Variants in ME3 observed in about 807,000 individuals in gnomAD.
The protein encoded by ME3 is NADP-dependent malic enzyme, mitochondrial.
A neutral mutation model predicts 68.9 loss-of-function variants in ME3; 48 were observed. The observed-to-expected ratio is 0.70, with a 90% CI of 0.55 to 0.89. The LOEUF (loss-of-function observed/expected upper bound fraction) is 0.89. Among genes scored for constraint, ME3 ranks in the 40% least tolerant of loss-of-function variants. The pLI, the probability that ME3 is intolerant of heterozygous loss-of-function variation, is 0.00. For missense variants in ME3, 675 were observed against 797.4 expected (o/e 0.85, Z 1.85); for synonymous variants, 320 against 318.8 (o/e 1.00, Z -0.04).
At chr11:86,635,879 T>C (rs1944302501) in intron 2 of ME3, among the ~76,000 whole-genome samples, 2 of 152,196 alleles carry the variant, frequency 1.3e-5, no homozygotes, top group Non-Finnish European at 2.9e-5. Flanking sequence ...CTTAGGGAAG[T>C]TGAGAGATAA....
At chr11:86,538,373 C>T (rs1351837451) in intron 4 of ME3, among the ~76,000 whole-genome samples, 1 of 152,128 alleles carries the variant, frequency 6.6e-6, no homozygotes, top group Non-Finnish European at 1.5e-5. Flanking sequence ...CCTCCTAGGA[C>T]TGTTGTATGA....
chr11:86,637,869 T>A (rs1390513735), intron 2 of ME3, among the ~76,000 whole-genome samples: 1 of 151,810 alleles, frequency 6.6e-6, no homozygotes, highest in Non-Finnish European at 1.5e-5. Flanking sequence ...AGAAAAATAG[T>A]CACTGATGAT....
intron 4 of ME3, among the ~76,000 whole-genome samples, chr11:86,535,216 C>T (rs1351764260): frequency 1.3e-5 from 2 of 152,172 alleles, no homozygotes; most frequent in Non-Finnish European, 2.9e-5. Context: ...CTTCTTACCT[C>T]CACTCCCACC....
chr11:86,507,498 C>CA (rs34877706), intron 5 of ME3, among the ~76,000 whole-genome samples: 101,990 of 151,832 alleles, frequency 0.67, 34,568 homozygotes, highest in Admixed American at 0.72. Context: ...GCTCAGGTGC[C>CA]AAAAATGCCC....
chr11:86,515,822 G>A (rs989858367), intron 4 of ME3, among the ~76,000 whole-genome samples: 8 of 152,162 alleles, frequency 5.3e-5, no homozygotes, highest in African/African-American at 1.2e-4. Context: ...GACAGCTAAT[G>A]TGACATGTTT....
intron 7 of ME3, among the ~76,000 whole-genome samples, chr11:86,474,675 A>G (rs1950964166): frequency 6.6e-6 from 1 of 152,180 alleles, no homozygotes; most frequent in South Asian, 2.1e-4. Context: ...TTTTTGATTA[A>G]TGAGGCCCTT....
At chr11:86,497,008 G>A (rs1432470950) in intron 6 of ME3, among the ~76,000 whole-genome samples, 1 of 152,040 alleles carries the variant, frequency 6.6e-6, no homozygotes, top group Non-Finnish European at 1.5e-5. Context: ...TTGAGACAGA[G>A]TCTTGCTGTG....
intron 7 of ME3, among the ~76,000 whole-genome samples, chr11:86,466,285 T>C (rs572515859): frequency 3.9e-5 from 6 of 152,202 alleles, no homozygotes; most frequent in Admixed American, 6.5e-5. Context: ...GCAAGTGTAG[T>C]ATGGATTATT....
At chr11:86,507,649 G>A (rs1453204508) in intron 5 of ME3, among the ~76,000 whole-genome samples, 1 of 152,192 alleles carries the variant, frequency 6.6e-6, no homozygotes, top group Non-Finnish European at 1.5e-5. Flanking sequence ...GATTTAGCCA[G>A]AGGCTAATAC....
At chr11:86,479,318 C>T (rs1322438584) in intron 7 of ME3, among the ~76,000 whole-genome samples, 2 of 152,166 alleles carry the variant, frequency 1.3e-5, no homozygotes, top group African/African-American at 2.4e-5. Context: ...CTTGCAGACA[C>T]CATATCATGG....
intron 2 of ME3, among the ~76,000 whole-genome samples, chr11:86,567,479 C>T (rs1413796787): frequency 2.6e-5 from 4 of 152,210 alleles, no homozygotes; most frequent in Non-Finnish European, 4.4e-5. Flanking sequence ...TTCACTGCCT[C>T]GGTAAAGACT....
intron 2 of ME3, among the ~76,000 whole-genome samples, chr11:86,586,096 C>A (rs1958715035): frequency 6.6e-6 from 1 of 152,152 alleles, no homozygotes; most frequent in South Asian, 2.1e-4. Flanking sequence ...ATGCACAAAA[C>A]TTTTTCAAAA....
At position 86,595,428 on chromosome 11, in the gene ME3, G is replaced by A. The variant is rs1168186852; in HGVS notation, c.184-35605C>T. The stretch of plus-strand genomic sequence containing the variant: ...CTAGCATTATCTCCATTTGACAGAT[G>A]AAGAGACTGAAGCTTAGAGAGTTAA... On this transcript the variant is annotated intron_variant, in intron 2 of 14. Coordinates refer to ENST00000543262, the Ensembl canonical transcript of ME3. Among the ~76,000 whole-genome samples the A allele has an allele frequency of 2.5e-5, 3 of 119,660 alleles. 1 individual carries two copies. Among genetic ancestry groups the A allele is most frequent in the African/African-American group, 9.5e-5 (3 of 31,746 alleles). 78.5% of individuals were successfully genotyped at this position (119,660 alleles called of 152,430 possible). A position where few individuals can be genotyped will look rare whatever the true frequency, so the allele number is the denominator to read the frequency against.
intron 7 of ME3, among the ~76,000 whole-genome samples, chr11:86,479,139 G>A (rs1951246104): frequency 6.6e-6 from 1 of 152,172 alleles, no homozygotes; most frequent in Non-Finnish European, 1.5e-5. Flanking sequence ...GAACAAAAAG[G>A]CAGAGGAAGG....
At chr11:86,468,065 A>T (rs997824308) in intron 7 of ME3, among the ~76,000 whole-genome samples, 1 of 151,698 alleles carries the variant, frequency 6.6e-6, no homozygotes, top group African/African-American at 2.4e-5. Context: ...AACTACTCCT[A>T]CTCTAGGATT....
At chr11:86,571,756 G>C (rs1426283418) in intron 2 of ME3, among the ~76,000 whole-genome samples, 1 of 152,218 alleles carries the variant, frequency 6.6e-6, no homozygotes, top group East Asian at 1.9e-4. Context: ...TTGATGCAGA[G>C]TGATGGTTTG....
rs1026611008 is a variant in ME3 at position 86,450,192 on chromosome 11, G to A, written c.1017+109C>T. 18 of 1,124,322 alleles carry A rather than the reference G, an allele frequency of 1.6e-5. No individual in the cohort carries two copies. In the Middle Eastern group the frequency reaches 5.8e-4, roughly 36 times the overall value. The allele number at this position is 1,124,322 out of a possible 1,614,324, so 69.6% of individuals were successfully genotyped here. A position where few individuals can be genotyped will look rare whatever the true frequency, so the allele number is the denominator to read the frequency against. The stretch of plus-strand genomic sequence containing the variant: ...CAGCTGCAATGATCACAATATGTCT[G>A]TGCTGCTTCCTCTTTTCAGAACCCC... On this transcript the variant is annotated intron_variant, in intron 9 of 14. Transcript: ENST00000543262.
At chr11:86,445,036 A>T (rs909416232) in intron 13 of ME3, among the ~76,000 whole-genome samples, 1 of 152,134 alleles carries the variant, frequency 6.6e-6, no homozygotes, top group Non-Finnish European at 1.5e-5. Context: ...GTCCCATGGT[A>T]TTATATAGGC....
chr11:86,553,019 T>TCA (rs1956770529), intron 4 of ME3, among the ~76,000 whole-genome samples: 1 of 152,108 alleles, frequency 6.6e-6, no homozygotes, highest in East Asian at 1.9e-4. Flanking sequence ...CCACCCAGCC[T>TCA]CACCTCTGGC....
Sources: allele counts gnomAD v4.1 joint callset (sites outside exome capture counted in the v4.1 genomes callset), GRCh38; gene constraint gnomAD v4.1.1; transcripts MANE v1.5; gene names NCBI Gene and HGNC (gene_info 2026-07-23, HGNC 2026-07-21).